Variants in MAF observed in about 807,000 individuals in gnomAD.
The protein encoded by MAF is transcription factor Maf.
Under a neutral mutation model 22.0 loss-of-function variants are expected in MAF, and 10 were observed. The ratio of observed to expected loss-of-function variants is 0.45; its 90% CI spans 0.28 to 0.77. MAF has a LOEUF of 0.77. Ranked by LOEUF, MAF falls within the 30% of genes least tolerant of loss-of-function variation. The pLI is 0.12. For synonymous variants in MAF, 337 were observed against 255.8 expected, an observed-to-expected ratio of 1.32 and a Z score of -3.03; for missense variants, 544 against 548.4, an observed-to-expected ratio of 0.99 and a Z score of 0.08.
the MAF span, among the ~76,000 whole-genome samples, chr16:79,535,586 C>CTTTTTTTTTTTTTTT: frequency 7.7e-6 from 1 of 130,590 alleles, no homozygotes. Context: ...ATTGCTTCTT[C>CTTTTTTTTTTTTTTT]TTTTTTTTTT....
At chr16:79,598,085 G>C in intron 1 of MAF, 1 of 1,041,876 alleles carries the variant, frequency 9.6e-7, no homozygotes, top group Non-Finnish European at 1.2e-6. Context: ...CACGCTGCAA[G>C]TCTATAACAT....
the MAF span, among the ~76,000 whole-genome samples, chr16:79,408,863 G>A: frequency 1.3e-5 from 2 of 152,014 alleles, no homozygotes; most frequent in African/African-American, 4.8e-5. Flanking sequence ...CAGATGGGGG[G>A]TCATATAAGA....
chr16:79,401,510 G>A, the MAF span, among the ~76,000 whole-genome samples: 1 of 152,150 alleles, frequency 6.6e-6, no homozygotes, highest in Non-Finnish European at 1.5e-5. Context: ...TTTTATTGGA[G>A]CAGGGAGAGC....
chr16:79,297,217 G>A, the MAF span, among the ~76,000 whole-genome samples: 2 of 152,176 alleles, frequency 1.3e-5, no homozygotes, highest in South Asian at 2.1e-4. Flanking sequence ...GGGATCCAAT[G>A]AGACAACATG....
the MAF span, among the ~76,000 whole-genome samples, chr16:79,535,143 C>T: frequency 0.018 from 2,397 of 131,298 alleles, 41 homozygotes; most frequent in Non-Finnish European, 0.023. Flanking sequence ...AACGAACCAC[C>T]CACAAATCTC....
At chr16:79,223,795 C>T in the MAF span, among the ~76,000 whole-genome samples, 1 of 152,040 alleles carries the variant, frequency 6.6e-6, no homozygotes, top group Admixed American at 6.5e-5. Flanking sequence ...ATACACCCTC[C>T]CAAGACTCAA....
the MAF span, among the ~76,000 whole-genome samples, chr16:79,363,936 G>T: frequency 5.3e-5 from 8 of 152,188 alleles, no homozygotes; most frequent in Non-Finnish European, 7.3e-5. Flanking sequence ...CGGTGGAGAT[G>T]CTACCCATCC....
chr16:79,211,742 G>T, the MAF span: 2 of 1,614,214 alleles, frequency 1.2e-6, no homozygotes, highest in South Asian at 1.1e-5. Context: ...CCCGGACCCT[G>T]TGGGCGCTCA....
chr16:79,242,365 GC>G, the MAF span, among the ~76,000 whole-genome samples: 1 of 125,250 alleles, frequency 8.0e-6, no homozygotes, highest in African/African-American at 2.8e-5. Context: ...CAAATGGGAA[GC>G]AAAAAAAAAA....
At chr16:79,263,512 C>G in the MAF span, among the ~76,000 whole-genome samples, 1 of 152,230 alleles carries the variant, frequency 6.6e-6, no homozygotes, top group Non-Finnish European at 1.5e-5. Context: ...CAGTGACGTT[C>G]TAAAATTTAA....
At chr16:79,471,117 G>A in the MAF span, among the ~76,000 whole-genome samples, 1 of 152,072 alleles carries the variant, frequency 6.6e-6, no homozygotes, top group Non-Finnish European at 1.5e-5. Context: ...TTCCTACCTG[G>A]CCTGCCTTCC....
chr16:79,544,056 C>G, the MAF span, among the ~76,000 whole-genome samples: 1 of 152,052 alleles, frequency 6.6e-6, no homozygotes, highest in African/African-American at 2.4e-5. Context: ...GAATGCTAGA[C>G]TAAAAACGGG....
the MAF span, among the ~76,000 whole-genome samples, chr16:79,217,161 AGTT>A: frequency 6.6e-6 from 1 of 152,188 alleles, no homozygotes; most frequent in Non-Finnish European, 1.5e-5. Context: ...ACTCTGTGCC[AGTT>A]GATGGGTTAG....
the MAF span, among the ~76,000 whole-genome samples, chr16:79,245,884 A>C: frequency 6.6e-6 from 1 of 152,098 alleles, no homozygotes; most frequent in Non-Finnish European, 1.5e-5. Flanking sequence ...GCCATAAAAA[A>C]GGATGAGTTC....
At chr16:79,296,419 G>A in the MAF span, among the ~76,000 whole-genome samples, 3 of 152,130 alleles carry the variant, frequency 2.0e-5, no homozygotes, top group African/African-American at 7.2e-5. Context: ...TGCATGCGGG[G>A]TGTAGTGCCT....
At chr16:79,215,640 A>G in the MAF span, among the ~76,000 whole-genome samples, 60,222 of 151,854 alleles carry the variant, frequency 0.4, 14,436 homozygotes, top group Non-Finnish European at 0.55. Context: ...GCCTCGGGGA[A>G]CTTTGTAAGG....
chr16:79,496,293 C>A, the MAF span, among the ~76,000 whole-genome samples: 1 of 152,230 alleles, frequency 6.6e-6, no homozygotes, highest in South Asian at 2.1e-4. Flanking sequence ...GGAAAAGGGT[C>A]ATTTCGGAAG....
chr16:79,403,955 A>C, the MAF span, among the ~76,000 whole-genome samples: 1 of 152,092 alleles, frequency 6.6e-6, no homozygotes, highest in East Asian at 1.9e-4. Flanking sequence ...AGTTTGGGCA[A>C]AGTGGAGGAG....
chr16:79,361,517 A>T, the MAF span, among the ~76,000 whole-genome samples: 1 of 152,160 alleles, frequency 6.6e-6, no homozygotes, highest in Admixed American at 6.5e-5. Context: ...GGATTGAATG[A>T]CGGATCTCTA....
Sources: gnomAD v4.1 joint callset for allele counts (sites outside exome capture counted in the v4.1 genomes callset) on GRCh38, gnomAD v4.1.1 for gene constraint, MANE v1.5 for transcripts, NCBI Gene and HGNC (gene_info 2026-07-23, HGNC 2026-07-21) for gene names.